BORA: variants seen among roughly 807,000 people sequenced by gnomAD.
The protein encoded by BORA is protein aurora borealis.
In BORA, 26 loss-of-function variants were observed where a neutral mutation model predicts 55.8. That is an observed-to-expected ratio of 0.47 (90% confidence interval 0.34 to 0.65). The LOEUF is 0.65. Ranked by LOEUF, BORA falls within the 30% of genes least tolerant of loss-of-function variation. BORA has a pLI of 0.01. For synonymous variants in BORA, 201 were observed against 216.9 expected, an observed-to-expected ratio of 0.93 and a Z score of 0.64; for missense variants, 568 against 671.5, an observed-to-expected ratio of 0.85 and a Z score of 1.70.
intron 1 of BORA, among the ~76,000 whole-genome samples, chr13:72,728,554 A>T (rs531839347): frequency 5.5e-4 from 84 of 152,206 alleles, no homozygotes; most frequent in African/African-American, 1.8e-3. Flanking sequence ...TGATGAATTT[A>T]AAAAAAATTG....
intron 3 of BORA, among the ~76,000 whole-genome samples, chr13:72,731,858 G>GT (rs1033828261): frequency 1.1e-4 from 16 of 152,288 alleles, no homozygotes; most frequent in African/African-American, 3.8e-4. Flanking sequence ...CAACAGAGCG[G>GT]TTTTTTAGAC....
intron 10 of BORA, among the ~76,000 whole-genome samples, chr13:72,751,013 C>T (rs1054724648): frequency 2.6e-5 from 4 of 152,108 alleles, no homozygotes; most frequent in African/African-American, 9.7e-5. Flanking sequence ...CAGTTTATAG[C>T]CCAGCTCTGT....
In BORA at chr13:72,728,945, G is replaced by C. The variant is rs2032747749; in HGVS notation, c.5G>C (p.Gly2Ala). The C allele has an allele frequency of 6.3e-7, 1 of 1,595,974 alleles. No individual in the cohort carries two copies. The highest frequency in any genetic ancestry group is 1.8e-5 in the Admixed American group (1 of 55,150). The change falls in exon 2 of 12, where the codon GGA becomes GCA. Residue 2 changes from glycine to alanine, a missense_variant. Physicochemically the swap from Gly to Ala is moderately conservative, Grantham distance 60. Coordinates refer to ENST00000390667, the MANE Select transcript of BORA (RefSeq NM_024808.5). M[G>A]DVKESKMQIT... ...TTTTAGTTTTCTCTCTGTGCTATGG[G>C]AGATGTCAAGGAATCAAAGATGCAA...
intron 9 of BORA, 128 bp downstream of exon 9, chr13:72,746,204 T>G: frequency 1.0e-6 from 1 of 969,944 alleles, no homozygotes; most frequent in African/African-American, 1.7e-5. Context: ...ATTTAGGAAC[T>G]TTGATTTTTA....
Position 72,746,704 on chromosome 13 carries a change from G to T in BORA, c.1075G>T (p.Gly359Cys). 1 of 1,614,120 alleles carries T rather than the reference G, an allele frequency of 6.2e-7. No homozygotes were observed. The highest frequency in any genetic ancestry group is 8.5e-7 in the Non-Finnish European group (1 of 1,180,000). ...GATACCTTTTACTCTTGAGACTCAA[G>T]GTGAAGATGAGGAAGATAAAGAGAA... ...IQIPFTLETQ[G>C]EDEEDKENIP... The change falls in exon 10 of 12, where the codon GGT becomes TGT. Residue 359 changes from glycine to cysteine, a missense_variant. Transcript: ENST00000390667.
chr13:72,746,608 A>G lies in BORA; in HGVS notation c.979A>G (p.Ile327Val), dbSNP rs772399941. ...RSPYIDGCSP[I>V]KNWSPMRLQM... ...TCCTTATATAGATGGCTGCTCGCCA[A>G]TTAAAAATTGGTCTCCTATGAGACT... Residue 327 changes from isoleucine to valine, a missense_variant, in exon 10 of 12, where the codon ATT becomes GTT. Transcript: ENST00000390667. The G allele has an allele frequency of 6.2e-7, 1 of 1,614,122 alleles. No homozygotes were observed. The highest frequency in any genetic ancestry group is 1.1e-5 in the South Asian group (1 of 91,086).
chr13:72,748,379 A>C (rs1003203181), intron 10 of BORA, among the ~76,000 whole-genome samples: 2 of 152,202 alleles, frequency 1.3e-5, no homozygotes, highest in South Asian at 4.1e-4. Context: ...ATACGCACAT[A>C]GTGTTTTGAT....
intron 10 of BORA, among the ~76,000 whole-genome samples, chr13:72,749,053 T>C (rs972205231): frequency 5.3e-5 from 8 of 152,192 alleles, no homozygotes; most frequent in Non-Finnish European, 1.2e-4. Flanking sequence ...ACTAAAAATG[T>C]TTCATACATT....
At position 72,755,412 on chromosome 13, in the gene BORA, A is replaced by T. The variant is rs926312879; in HGVS notation, c.*196A>T. ...TCCTGGAACTTCAAGTTGCTGAATT[A>T]TAAGTTTATTTTTTATCAATAAATA... is the stretch of plus-strand genomic sequence containing the variant. On this transcript the variant is annotated 3_prime_UTR_variant, in exon 12 of 12. Transcript: ENST00000390667. 4 of 527,858 alleles carry T rather than the reference A, an allele frequency of 7.6e-6. No individual in the cohort carries two copies. The highest frequency in any genetic ancestry group is 3.8e-5 in the African/African-American group (2 of 52,202). The allele number at this position is 527,858 out of a possible 1,614,324, so 32.7% of individuals were successfully genotyped here. A position where few individuals can be genotyped will look rare whatever the true frequency, so the allele number is the denominator to read the frequency against.
chr13:72,744,518 A>G lies in BORA; in HGVS notation c.468A>G (p.Thr156=). 3 of 1,610,828 alleles carry G rather than the reference A, an allele frequency of 1.9e-6. No individual in the cohort carries two copies. The highest frequency in any genetic ancestry group is 2.7e-5 in the African/African-American group (2 of 74,924). ...HSEKSDAACQ[T]LLSLPVDFNL... ...GCTTGTTTCCAGCTGCTTGTCAGAC[A>G]TTGCTGTCTCTTCCTGTGGATTTTA... The change falls in exon 7 of 12, where the codon ACA becomes ACG. Residue 156 remains threonine, a synonymous_variant. Transcript: ENST00000390667.
At chr13:72,735,933 C>T (rs2032917963) in intron 4 of BORA, among the ~76,000 whole-genome samples, 1 of 152,090 alleles carries the variant, frequency 6.6e-6, no homozygotes, top group Non-Finnish European at 1.5e-5. Flanking sequence ...GGGTTACTTA[C>T]CTTGTTCTTT....
intron 6 of BORA, among the ~76,000 whole-genome samples, 173 bp from the exon 7 acceptor site, chr13:72,744,332 C>A (rs1472401029): frequency 2.6e-5 from 4 of 152,144 alleles, no homozygotes; most frequent in African/African-American, 7.2e-5. Flanking sequence ...GTGTGGGAAA[C>A]CACTTCTAGA....
At chr13:72,739,980 T>A (rs1191385510) in intron 5 of BORA, among the ~76,000 whole-genome samples, 1 of 149,494 alleles carries the variant, frequency 6.7e-6, no homozygotes, top group Non-Finnish European at 1.5e-5. Flanking sequence ...AGATAGTCAC[T>A]GTGGCATGTC....
intron 5 of BORA, among the ~76,000 whole-genome samples, chr13:72,741,057 T>A (rs535785743): frequency 1.5e-4 from 23 of 152,334 alleles, no homozygotes; most frequent in Non-Finnish European, 3.1e-4. Flanking sequence ...GCTGGTAGCA[T>A]TTACTATTAT....
At chr13:72,739,896 T>G (rs1402996236) in intron 5 of BORA, among the ~76,000 whole-genome samples, 1 of 152,078 alleles carries the variant, frequency 6.6e-6, no homozygotes, top group East Asian at 1.9e-4. Context: ...GTCCAGGGCA[T>G]TATCCAAACA....
At chr13:72,746,372 C>T in intron 9 of BORA, 129 bp from the exon 10 acceptor site, 1 of 1,145,850 alleles carries the variant, frequency 8.7e-7, no homozygotes, top group Non-Finnish European at 1.2e-6. Flanking sequence ...CACAATTTCA[C>T]TTTGGTAAAC....
At chr13:72,742,761 TATATATACACACAC>T (rs1323023888) in intron 5 of BORA, among the ~76,000 whole-genome samples, 14 of 50,714 alleles carry the variant, frequency 2.8e-4, no homozygotes, top group Admixed American at 1.3e-3. Context: ...GTGATATATA[TATATATACACACAC>T]ACACACACAC....
chr13:72,729,774 C>T (rs533801701), intron 2 of BORA, among the ~76,000 whole-genome samples: 1 of 152,060 alleles, frequency 6.6e-6, no homozygotes, highest in African/African-American at 2.4e-5. Context: ...CCATTTGAAA[C>T]TGTCAAAATA....
intron 1 of BORA, chr13:72,728,248 C>T (rs778002331): frequency 1.4e-6 from 1 of 705,950 alleles, no homozygotes; most frequent in South Asian, 1.5e-5. Context: ...CTTTTCCACC[C>T]CACCCCGCCA....
Sources: gnomAD v4.1 joint callset for allele counts (sites outside exome capture counted in the v4.1 genomes callset) on GRCh38, gnomAD v4.1.1 for gene constraint, MANE v1.5 for transcripts, NCBI Gene and HGNC (gene_info 2026-07-23, HGNC 2026-07-21) for gene names.